Variants in SLC20A2 observed in about 807,000 individuals in gnomAD.
SLC20A2 encodes sodium-dependent phosphate transporter 2.
SLC20A2 carries 30 observed loss-of-function variants against 61.0 expected under a neutral mutation model. The observed-to-expected ratio is 0.49, with a 90% CI of 0.37 to 0.67. SLC20A2 has a LOEUF of 0.67. SLC20A2 is among the 30% of genes least tolerant of loss of function. The pLI, the probability that SLC20A2 is intolerant of heterozygous loss-of-function variation, is 0.00. For missense variants in SLC20A2, 626 were observed against 866.4 expected, an observed-to-expected ratio of 0.72 and a Z score of 3.48; for synonymous variants, 351 against 353.3, an observed-to-expected ratio of 0.99 and a Z score of 0.07.
At chr8:42,436,472 G>A (rs544643845) in intron 8 of SLC20A2, among the ~76,000 whole-genome samples, 13 of 152,198 alleles carry the variant, frequency 8.5e-5, no homozygotes, top group Non-Finnish European at 1.8e-4. Flanking sequence ...GTCGTCCAAA[G>A]CCAGTGCCCC....
At chr8:42,430,650 T>C (rs1393124668) in intron 8 of SLC20A2, among the ~76,000 whole-genome samples, 1 of 152,162 alleles carries the variant, frequency 6.6e-6, no homozygotes, top group African/African-American at 2.4e-5. Flanking sequence ...CATGAGCCAC[T>C]GTACCTGGCC....
At chr8:42,536,775 T>C (rs944328510) in intron 1 of SLC20A2, among the ~76,000 whole-genome samples, 14 of 152,090 alleles carry the variant, frequency 9.2e-5, no homozygotes, top group Non-Finnish European at 1.9e-4. Flanking sequence ...AAAAAGTGAA[T>C]CAAGATTCTA....
intron 10 of SLC20A2, among the ~76,000 whole-genome samples, chr8:42,425,662 T>C (rs1303706765): frequency 6.6e-6 from 1 of 152,190 alleles, no homozygotes; most frequent in East Asian, 1.9e-4. Flanking sequence ...GTCAATTTTA[T>C]AGATGGCACC....
intron 1 of SLC20A2, among the ~76,000 whole-genome samples, chr8:42,506,501 G>A (rs1294374715): frequency 6.6e-6 from 1 of 152,202 alleles, no homozygotes; most frequent in East Asian, 1.9e-4. Flanking sequence ...CAGCAGTATG[G>A]TACTTGCTGA....
chr8:42,513,996 A>C (rs1811176510), intron 1 of SLC20A2, among the ~76,000 whole-genome samples: 1 of 152,172 alleles, frequency 6.6e-6, no homozygotes, highest in Admixed American at 6.5e-5. Flanking sequence ...AAGAGGTAGA[A>C]GATTAGGTTG....
intron 1 of SLC20A2, among the ~76,000 whole-genome samples, chr8:42,528,046 T>C (rs1391112930): frequency 6.6e-6 from 1 of 152,226 alleles, no homozygotes; most frequent in African/African-American, 2.4e-5. Flanking sequence ...CTATTACCAC[T>C]AAGCACTGAT....
chr8:42,441,950 T>C (rs1804818697), intron 6 of SLC20A2, among the ~76,000 whole-genome samples: 1 of 150,112 alleles, frequency 6.7e-6, no homozygotes, highest in Non-Finnish European at 1.5e-5. Flanking sequence ...CTTTTTTTTT[T>C]TGAGATGGAG....
intron 9 of SLC20A2, 39 bp from the exon 10 acceptor site, chr8:42,428,881 G>C (rs369118375): frequency 2.7e-6 from 4 of 1,503,340 alleles, no homozygotes; most frequent in Admixed American, 2.2e-5. Flanking sequence ...GGTGCCCTCT[G>C]TATCAGCCTC....
intron 1 of SLC20A2, among the ~76,000 whole-genome samples, chr8:42,537,294 G>A (rs1008721586): frequency 6.8e-6 from 1 of 147,980 alleles, no homozygotes; most frequent in African/African-American, 2.5e-5. Context: ...TGAGGTGGGA[G>A]GATTGCTTGA....
rs1802729413 is a variant in SLC20A2, at chr8:42,417,302, G to A, written c.*501C>T. ...TCCCACAGCACGCGACCTCTGCAGG[G>A]TCAGGTTGCCTGTTCTGAAGCTCAT... On this transcript the variant is annotated 3_prime_UTR_variant, in exon 11 of 11. Transcript: ENST00000520262. 1 of 155,726 alleles carries A rather than the reference G, an allele frequency of 6.4e-6. No individual in the cohort carries two copies. The highest frequency in any genetic ancestry group is 1.4e-5 in the Non-Finnish European group (1 of 69,634). The allele number at this position is 155,726 out of a possible 1,614,324, so 9.6% of individuals were successfully genotyped here.
At chr8:42,450,223 T>G (rs1031287854) in intron 5 of SLC20A2, among the ~76,000 whole-genome samples, 4 of 151,846 alleles carry the variant, frequency 2.6e-5, no homozygotes, top group Non-Finnish European at 5.9e-5. Flanking sequence ...AGTATTTTTT[T>G]TTCGTTCGTT....
intron 1 of SLC20A2, among the ~76,000 whole-genome samples, chr8:42,497,871 C>A (rs1196535613): frequency 2.6e-5 from 4 of 152,098 alleles, no homozygotes. Context: ...TATTACTCCC[C>A]AGTACCCAAG....
At chr8:42,438,826 C>T (rs557074936) in intron 7 of SLC20A2, among the ~76,000 whole-genome samples, 240 of 152,330 alleles carry the variant, frequency 1.6e-3, no homozygotes, top group South Asian at 6.6e-3. Context: ...AAGTGATTCT[C>T]CTGCCTCAGC....
chr8:42,456,605 G>A (rs886566620), intron 5 of SLC20A2, among the ~76,000 whole-genome samples: 4 of 151,902 alleles, frequency 2.6e-5, no homozygotes, highest in East Asian at 2.0e-4. Flanking sequence ...GGTGGCAGGC[G>A]CCAGTAATCC....
intron 10 of SLC20A2, among the ~76,000 whole-genome samples, chr8:42,426,551 C>A (rs990092539): frequency 2.0e-5 from 3 of 152,116 alleles, no homozygotes; most frequent in African/African-American, 7.2e-5. Flanking sequence ...CAAAAATTAG[C>A]TGGGTGTGGT....
chr8:42,533,035 G>C (rs533704341), intron 1 of SLC20A2, among the ~76,000 whole-genome samples: 29 of 152,238 alleles, frequency 1.9e-4, no homozygotes, highest in African/African-American at 6.7e-4. Flanking sequence ...TGATAAACAG[G>C]GCAGAAGGAA....
At chr8:42,454,721 T>C (rs1242985134) in intron 5 of SLC20A2, among the ~76,000 whole-genome samples, 1 of 151,996 alleles carries the variant, frequency 6.6e-6, no homozygotes, top group Non-Finnish European at 1.5e-5. Flanking sequence ...ATACAGATTT[T>C]ACAATTATTA....
At position 42,462,995 on chromosome 8, in the gene SLC20A2, C is replaced by G. The variant is rs769496009; in HGVS notation, c.516+10G>C. On this transcript the variant is annotated intron_variant, in intron 4 of 10. Coordinates refer to ENST00000520262, the MANE Select transcript of SLC20A2 (RefSeq NM_001257180.2). ...CTTAAGATTTAATTAAAAGTAGCAGCCCCACTTACCTTTTTTAAGATGAAA... is the reference window on the plus strand; with the variant it reads ...CTTAAGATTTAATTAAAAGTAGCAGGCCCACTTACCTTTTTTAAGATGAAA... The G allele has an allele frequency of 1.2e-5, 19 of 1,539,222 alleles. No homozygotes were observed. The highest frequency in any genetic ancestry group is 1.7e-5 in the Non-Finnish European group (19 of 1,133,018).
At chr8:42,510,834 C>G (rs895506910) in intron 1 of SLC20A2, among the ~76,000 whole-genome samples, 6 of 151,472 alleles carry the variant, frequency 4.0e-5, no homozygotes, top group Non-Finnish European at 7.4e-5. Context: ...AAAGCACTTA[C>G]AACAGAGCTT....
Sources: gnomAD v4.1 joint callset for allele counts (sites outside exome capture counted in the v4.1 genomes callset) on GRCh38, gnomAD v4.1.1 for gene constraint, MANE v1.5 for transcripts, NCBI Gene and HGNC (gene_info 2026-07-23, HGNC 2026-07-21) for gene names.